The following GUCY1B1 variants were observed in gnomAD, a reference collection of about 807,000 sequenced individuals.
The protein encoded by GUCY1B1 is guanylate cyclase 1 soluble subunit beta 1.
In GUCY1B1, 43 loss-of-function variants were observed where a neutral mutation model predicts 71.0. The observed-to-expected ratio is 0.61, with a 90% CI of 0.47 to 0.78. The LOEUF is 0.78. Among genes scored for constraint, GUCY1B1 ranks in the 30% least tolerant of loss-of-function variants. The pLI, the probability that GUCY1B1 is intolerant of heterozygous loss-of-function variation, is 0.00. For missense variants in GUCY1B1, 535 were observed against 754.1 expected (o/e 0.71, Z 3.40); for synonymous variants, 266 against 259.7 (o/e 1.02, Z -0.23).
At chr4:155,773,008 T>C (rs1389470812) in intron 2 of GUCY1B1, among the ~76,000 whole-genome samples, 1 of 152,234 alleles carries the variant, frequency 6.6e-6, no homozygotes, top group African/African-American at 2.4e-5. Context: ...TAGCACAGCT[T>C]CTGAAGGAGA....
At chr4:155,787,460 G>C (rs569305627) in intron 4 of GUCY1B1, among the ~76,000 whole-genome samples, 4 of 152,292 alleles carry the variant, frequency 2.6e-5, no homozygotes, top group Admixed American at 2.6e-4. Flanking sequence ...ATCTGGATTA[G>C]ATTGTCAAAC....
chr4:155,784,582 T>C (rs1035435679), intron 4 of GUCY1B1, among the ~76,000 whole-genome samples: 4 of 152,170 alleles, frequency 2.6e-5, no homozygotes, highest in East Asian at 3.8e-4. Flanking sequence ...TCCTCCTTCA[T>C]TGAAAAACAA....
intron 4 of GUCY1B1, among the ~76,000 whole-genome samples, chr4:155,787,872 C>A (rs1738902026): frequency 6.6e-6 from 1 of 152,178 alleles, no homozygotes; most frequent in Non-Finnish European, 1.5e-5. Flanking sequence ...AAATTGACCT[C>A]TTTGAGACAT....
At chr4:155,764,433 A>C (rs562002608) in intron 2 of GUCY1B1, among the ~76,000 whole-genome samples, 360 of 152,322 alleles carry the variant, frequency 2.4e-3, no homozygotes, top group Non-Finnish European at 4.4e-3. Flanking sequence ...TTACTGTCCC[A>C]GAGAATTACA....
At chr4:155,760,424 A>ACC (rs1160982413) in intron 2 of GUCY1B1, among the ~76,000 whole-genome samples, 119 of 82,736 alleles carry the variant, frequency 1.4e-3, no homozygotes, top group African/African-American at 3.7e-3. Context: ...CCCACTGCCC[A>ACC]CCCCCCCCGC....
rs371765841 is a variant in GUCY1B1 at position 155,759,093 on chromosome 4, C to T, written c.-48C>T. 2 of 1,580,688 alleles carry T rather than the reference C, an allele frequency of 1.3e-6. No individual in the cohort carries two copies. Among genetic ancestry groups the T allele is most frequent in the Non-Finnish European group, 1.7e-6 (2 of 1,163,128 alleles). On this transcript the variant is annotated 5_prime_UTR_variant, in exon 1 of 14. Transcript: ENST00000264424. ...GCCGCCTCTGCCTGGGTCCCTTCGG[C>T]CGTACCTCTGCGTGGGGGCTGCCTC...
chr4:155,777,693 A>G (rs1347263648), intron 4 of GUCY1B1, 51 bp downstream of exon 4: 4 of 873,458 alleles, frequency 4.6e-6, no homozygotes, highest in Non-Finnish European at 3.9e-6. Context: ...ATAACTCTCA[A>G]ATATAGACTC....
At chr4:155,789,954 A>G in intron 5 of GUCY1B1, 43 bp downstream of exon 5, 1 of 1,268,348 alleles carries the variant, frequency 7.9e-7, no homozygotes, top group Non-Finnish European at 1.1e-6. Flanking sequence ...GATGACATCT[A>G]AAAATATTTT....
intron 9 of GUCY1B1, among the ~76,000 whole-genome samples, chr4:155,800,816 G>A (rs997637219): frequency 5.9e-5 from 9 of 152,066 alleles, no homozygotes; most frequent in South Asian, 2.1e-4. Flanking sequence ...TTATGTGTTC[G>A]TTTTTTAATG....
chr4:155,784,623 T>C (rs1336936937), intron 4 of GUCY1B1, among the ~76,000 whole-genome samples: 1 of 152,154 alleles, frequency 6.6e-6, no homozygotes, highest in Non-Finnish European at 1.5e-5. Flanking sequence ...GTTTTAAAGA[T>C]TTCTTGCAGA....
At chr4:155,795,811 A>T (rs1357320084) in intron 7 of GUCY1B1, among the ~76,000 whole-genome samples, 1 of 151,982 alleles carries the variant, frequency 6.6e-6, no homozygotes, top group African/African-American at 2.4e-5. Flanking sequence ...AAAACCACTT[A>T]TTTATTCTTT....
At chr4:155,762,919 T>G (rs577089065) in intron 2 of GUCY1B1, among the ~76,000 whole-genome samples, 2 of 152,262 alleles carry the variant, frequency 1.3e-5, no homozygotes, top group South Asian at 4.1e-4. Context: ...CCATAACAAA[T>G]GTGAAAAAGC....
chr4:155,795,346 G>A lies in GUCY1B1; in HGVS notation c.732G>A (p.Gln244=), dbSNP rs746372917. 1.3e-5 allele frequency: 21 copies of A among 1,580,240 alleles called. No individual in the cohort carries two copies. The African/African-American group carries it at 2.4e-4, about 18-fold the overall frequency. The part of the protein sequence containing the change: ...NAIYRVLPQL[Q]PGNCSLLSVF... ...GCTCTCTATCTATATTTTAGCTCCAGCCTGGGAATTGCAGCCTTCTGTCTG... is the reference window on the plus strand; with the variant it reads ...GCTCTCTATCTATATTTTAGCTCCAACCTGGGAATTGCAGCCTTCTGTCTG... The change falls in exon 7 of 14, where the codon CAG becomes CAA. Residue 244 remains glutamine (Q), a synonymous_variant. Coordinates refer to ENST00000264424, the MANE Select transcript of GUCY1B1 (RefSeq NM_000857.5).
At chr4:155,762,062 G>T (rs1737031390) in intron 2 of GUCY1B1, among the ~76,000 whole-genome samples, 1 of 152,168 alleles carries the variant, frequency 6.6e-6, no homozygotes, top group Non-Finnish European at 1.5e-5. Context: ...TGCACTGAGG[G>T]CATTAAAGCT....
At chr4:155,779,528 C>T (rs889125799) in intron 4 of GUCY1B1, among the ~76,000 whole-genome samples, 4 of 151,946 alleles carry the variant, frequency 2.6e-5, no homozygotes, top group Admixed American at 6.5e-5. Context: ...TCTCTTTCAA[C>T]GTGAGAGTGA....
At chr4:155,796,272 T>C (rs1024498603) in intron 7 of GUCY1B1, 105 bp from the exon 8 acceptor site, 1 of 1,038,438 alleles carries the variant, frequency 9.6e-7, no homozygotes, top group Non-Finnish European at 1.5e-6. Flanking sequence ...GATGCACTTA[T>C]TCTGCTTTGT....
intron 4 of GUCY1B1, among the ~76,000 whole-genome samples, chr4:155,778,907 A>T (rs1165690715): frequency 6.6e-6 from 1 of 151,220 alleles, no homozygotes; most frequent in Non-Finnish European, 1.5e-5. Flanking sequence ...CTGACTTATA[A>T]CTCTCTCTCT....
chr4:155,786,383 C>T (rs1268329711), intron 4 of GUCY1B1, among the ~76,000 whole-genome samples: 2 of 147,182 alleles, frequency 1.4e-5, no homozygotes, highest in African/African-American at 2.5e-5. Context: ...AAGCGATTCT[C>T]ATGCCTCAGC....
At chr4:155,761,147 G>A (rs1310426349) in intron 2 of GUCY1B1, among the ~76,000 whole-genome samples, 1 of 152,180 alleles carries the variant, frequency 6.6e-6, no homozygotes, top group Non-Finnish European at 1.5e-5. Context: ...GATTTGGCAA[G>A]TATGTGGTTG....
Sources: allele counts gnomAD v4.1 joint callset (sites outside exome capture counted in the v4.1 genomes callset), GRCh38; gene constraint gnomAD v4.1.1; transcripts MANE v1.5; gene names NCBI Gene and HGNC (gene_info 2026-07-23, HGNC 2026-07-21).